NCBP2L: variants seen among roughly 807,000 people sequenced by gnomAD.
NCBP2L encodes the protein nuclear cap binding protein subunit 2 like.
For synonymous variants in NCBP2L, 39 were observed against 19.2 expected, an observed-to-expected ratio of 2.04 and a Z score of -2.70; for missense variants, 95 against 53.1, an observed-to-expected ratio of 1.79 and a Z score of -2.45.
At chrX:107,789,676 T>C (rs1219823937) in intron 1 of NCBP2L, among the ~76,000 whole-genome samples, 1 of 111,686 alleles carries the variant, frequency 9.0e-6, no homozygotes, top group African/African-American at 3.3e-5. Flanking sequence ...AATTGATTGC[T>C]CTCACCCTAC....
At chrX:107,791,813 G>T (rs1930455638) in intron 1 of NCBP2L, among the ~76,000 whole-genome samples, 1 of 112,193 alleles carries the variant, frequency 8.9e-6, no homozygotes. Flanking sequence ...TAGGTATTTT[G>T]CTCTCCAGTT....
chrX:107,791,797 G>T (rs1287863011), intron 1 of NCBP2L, among the ~76,000 whole-genome samples: 1 of 112,245 alleles, frequency 8.9e-6, no homozygotes, highest in African/African-American at 3.2e-5. Flanking sequence ...AGTATTTGTT[G>T]CAAGATAGGT....
Position 107,794,725 on chromosome X carries a change from A to G in NCBP2L, c.*43A>G, listed in dbSNP as rs1420156661. On this transcript the variant is annotated 3_prime_UTR_variant, in exon 2 of 2. Coordinates refer to ENST00000509000, the MANE Select transcript of NCBP2L (RefSeq NM_001348372.2). ...AAGTTTTAACTCTAACCCCTTGAAA[A>G]GTGTGTTATAGACCAACCTCAAGTC... is the stretch of plus-strand genomic sequence containing the variant. The G allele has an allele frequency of 1.9e-6, 1 of 519,915 alleles. No homozygotes were observed. 42.8% of individuals were successfully genotyped at this position (519,915 alleles called of 1,213,427 possible).
rs1172771620 is a variant in NCBP2L, at chrX:107,794,624, A to C, written c.404A>C (p.Glu135Ala). Reference protein sequence around the residue: ...RGKSGGQVRDEFREDFHSGRG... With the variant: ...RGKSGGQVRDAFREDFHSGRG... ...AAATCTGGGGGTCAGGTAAGGGATG[A>C]GTTTCGTGAAGATTTTCATTCTGGT... is the stretch of plus-strand genomic sequence containing the variant. Residue 135 changes from glutamate (E) to alanine (A), a missense_variant, in exon 2 of 2, where the codon GAG (glutamate) becomes GCG (alanine). Coordinates refer to ENST00000509000, the MANE Select transcript of NCBP2L (RefSeq NM_001348372.2). 3.5e-6 allele frequency: 2 copies of C among 567,360 alleles called. No homozygotes were observed. The highest frequency in any genetic ancestry group is 4.5e-5 in the Admixed American group (2 of 44,754). 46.8% of individuals were successfully genotyped at this position (567,360 alleles called of 1,213,427 possible).
At chrX:107,781,676 A>ATCTCTC (rs1252852252) in intron 1 of NCBP2L, among the ~76,000 whole-genome samples, 1 of 55,919 alleles carries the variant, frequency 1.8e-5, no homozygotes, top group African/African-American at 1.1e-4. Flanking sequence ...CTATCTATCT[A>ATCTCTC]TCTCTCTCTC....
At chrX:107,793,393 C>G (rs1465123532) in intron 1 of NCBP2L, among the ~76,000 whole-genome samples, 1 of 111,122 alleles carries the variant, frequency 9.0e-6, no homozygotes, top group East Asian at 2.8e-4. Flanking sequence ...CCAGTGCCTC[C>G]CTATATATGC....
chrX:107,781,676 A>ATCTATCTATCTATCTCTC (rs1380779020), intron 1 of NCBP2L, among the ~76,000 whole-genome samples: 39 of 55,885 alleles, frequency 7.0e-4, no homozygotes, highest in African/African-American at 4.0e-3. Context: ...CTATCTATCT[A>ATCTATCTATCTATCTCTC]TCTCTCTCTC....
intron 1 of NCBP2L, among the ~76,000 whole-genome samples, chrX:107,783,693 G>T (rs1930359057): frequency 1.8e-5 from 2 of 110,549 alleles, no homozygotes; most frequent in African/African-American, 6.6e-5. Flanking sequence ...TATATTTAAG[G>T]TGTACACCAT....
chrX:107,781,610 G>A (rs1930270423), intron 1 of NCBP2L, among the ~76,000 whole-genome samples: 2 of 97,477 alleles, frequency 2.1e-5, no homozygotes, highest in Admixed American at 2.3e-4. Context: ...ACCACACCCA[G>A]CCTGGGATCC....
intron 1 of NCBP2L, among the ~76,000 whole-genome samples, chrX:107,781,680 C>A (rs184668360): frequency 1.4e-3 from 50 of 35,070 alleles, no homozygotes; most frequent in Non-Finnish European, 1.7e-3. Flanking sequence ...CTATCTATCT[C>A]TCTCTCTCTC....
intron 1 of NCBP2L, among the ~76,000 whole-genome samples, chrX:107,780,997 G>T (rs1930257864): frequency 9.1e-6 from 1 of 110,262 alleles, no homozygotes; most frequent in Admixed American, 9.7e-5. Context: ...TACAATCTCA[G>T]CTCACTACAG....
intron 1 of NCBP2L, among the ~76,000 whole-genome samples, chrX:107,788,231 G>A (rs1001840401): frequency 8.9e-6 from 1 of 111,773 alleles, no homozygotes; most frequent in African/African-American, 3.3e-5. Context: ...CTTTGGGGAT[G>A]TTAACCTTGG....
intron 1 of NCBP2L, among the ~76,000 whole-genome samples, chrX:107,788,687 C>T (rs1216223389): frequency 8.9e-6 from 1 of 112,023 alleles, no homozygotes; most frequent in Non-Finnish European, 1.9e-5. Context: ...CATGATCATA[C>T]CAGCTTAAAA....
intron 1 of NCBP2L, among the ~76,000 whole-genome samples, chrX:107,793,426 G>A (rs1602439426): frequency 8.9e-6 from 1 of 111,853 alleles, no homozygotes; most frequent in Middle Eastern, 4.6e-3. Flanking sequence ...ACATTGAAAA[G>A]TGTAGCTAAA....
rs1930499405 is a variant in NCBP2L, at chrX:107,794,841, C to T, written c.*159C>T. On this transcript the variant is annotated 3_prime_UTR_variant, in exon 2 of 2. Coordinates refer to ENST00000509000, the MANE Select transcript of NCBP2L (RefSeq NM_001348372.2). Reference sequence around the variant, plus strand: ...GTTAAATAGCAGAAACAAAAAAAATCCATTTGTTTTTGTCTGAATTTTGAA... The same window carrying T: ...GTTAAATAGCAGAAACAAAAAAAATTCATTTGTTTTTGTCTGAATTTTGAA... 2 of 389,119 alleles carry T rather than the reference C, an allele frequency of 5.1e-6. No homozygotes were observed. Among genetic ancestry groups the T allele is most frequent in the African/African-American group, 2.5e-5 (1 of 39,746 alleles). 32.1% of individuals were successfully genotyped at this position (389,119 alleles called of 1,213,427 possible).
chrX:107,781,539 C>A (rs1440809148), intron 1 of NCBP2L, among the ~76,000 whole-genome samples: 1 of 94,710 alleles, frequency 1.1e-5, no homozygotes, highest in Non-Finnish European at 2.1e-5. Context: ...TTTTGAACTC[C>A]TGAGCTCAAG....
intron 1 of NCBP2L, 114 bp from the exon 2 acceptor site, chrX:107,794,035 T>C: frequency 2.7e-6 from 1 of 370,316 alleles, no homozygotes; most frequent in Non-Finnish European, 4.7e-6. Flanking sequence ...ACATGATCCT[T>C]ATGGTCAGGA....
intron 1 of NCBP2L, among the ~76,000 whole-genome samples, chrX:107,781,220 T>C (rs1193407551): frequency 2.9e-5 from 3 of 103,597 alleles, no homozygotes; most frequent in Non-Finnish European, 4.0e-5. Flanking sequence ...GGCCGGCTTT[T>C]TTTTTTTTTT....
intron 1 of NCBP2L, among the ~76,000 whole-genome samples, chrX:107,786,944 A>G (rs1930397917): frequency 8.9e-6 from 1 of 111,832 alleles, no homozygotes. Context: ...GCCAGATCAC[A>G]AGGAAACTAA....
Sources: allele counts gnomAD v4.1 joint callset (sites outside exome capture counted in the v4.1 genomes callset), GRCh38; gene constraint gnomAD v4.1.1; transcripts MANE v1.5; gene names NCBI Gene and HGNC (gene_info 2026-07-23, HGNC 2026-07-21).